Variants in NTN1 observed in about 807,000 individuals in gnomAD.
NTN1 encodes the protein netrin 1, also known as netrin-1.
In NTN1, 11 loss-of-function variants were observed where a neutral mutation model predicts 54.2. The observed-to-expected ratio is 0.20, with a 90% CI of 0.13 to 0.34. The LOEUF (loss-of-function observed/expected upper bound fraction) is 0.34, where lower values mean the gene tolerates loss of function less well. Among genes scored for constraint, NTN1 ranks in the 10% least tolerant of loss-of-function variants. The probability of loss-of-function intolerance (pLI) is 1.00; values close to 1 mark genes in which losing one functional copy is unlikely to be tolerated. For synonymous variants in NTN1, 371 were observed against 382.0 expected (o/e 0.97, Z 0.33); for missense variants, 740 against 893.1 (o/e 0.83, Z 2.18).
At chr17:9,132,277 A>G (rs1438957497) in intron 2 of NTN1, among the ~76,000 whole-genome samples, 1 of 152,084 alleles carries the variant, frequency 6.6e-6, no homozygotes, top group Non-Finnish European at 1.5e-5. Flanking sequence ...TTTCATGAAC[A>G]TTACACGTTT....
intron 5 of NTN1, among the ~76,000 whole-genome samples, chr17:9,193,744 G>T (rs997543856): frequency 6.6e-6 from 1 of 151,646 alleles, no homozygotes; most frequent in African/African-American, 2.4e-5. Context: ...CCAACATGGA[G>T]AAACCCCGTC....
At chr17:9,065,182 C>T (rs369012452) in intron 2 of NTN1, among the ~76,000 whole-genome samples, 1 of 152,208 alleles carries the variant, frequency 6.6e-6, no homozygotes. Flanking sequence ...GGTGATCTGC[C>T]TGCCTCCACC....
intron 2 of NTN1, among the ~76,000 whole-genome samples, chr17:9,064,647 C>T (rs2092009204): frequency 6.6e-6 from 1 of 151,868 alleles, no homozygotes; most frequent in African/African-American, 2.4e-5. Context: ...TATTTCATGA[C>T]ATCATTCACA....
chr17:9,170,059 G>A (rs1324490792), intron 3 of NTN1, among the ~76,000 whole-genome samples: 1 of 152,160 alleles, frequency 6.6e-6, no homozygotes, highest in Non-Finnish European at 1.5e-5. Context: ...ATGGGGCCGG[G>A]GGCAGGTGGC....
At chr17:9,147,237 C>T (rs11650895) in intron 2 of NTN1, among the ~76,000 whole-genome samples, 67,938 of 152,168 alleles carry the variant, frequency 0.45, 16,174 homozygotes, top group African/African-American at 0.62. Context: ...CATTAGCTCA[C>T]GTGTAAGAAT....
the NTN1 span, among the ~76,000 whole-genome samples, chr17:9,005,591 A>C: frequency 6.6e-6 from 1 of 152,312 alleles, no homozygotes; most frequent in Admixed American, 6.5e-5. Flanking sequence ...AATGCAGCCC[A>C]AATCAGGTTC....
At chr17:9,172,320 A>G (rs2092389182) in intron 3 of NTN1, among the ~76,000 whole-genome samples, 1 of 151,988 alleles carries the variant, frequency 6.6e-6, no homozygotes, top group Non-Finnish European at 1.5e-5. Context: ...ACATAGTGAA[A>G]ATACAAAAAA....
intron 2 of NTN1, among the ~76,000 whole-genome samples, chr17:9,046,487 G>A (rs555195059): frequency 6.6e-6 from 1 of 152,158 alleles, no homozygotes; most frequent in Non-Finnish European, 1.5e-5. Flanking sequence ...AATCCCTTCC[G>A]AAACCCCCCA....
At chr17:9,161,646 T>C (rs1459513423) in intron 2 of NTN1, among the ~76,000 whole-genome samples, 3 of 152,006 alleles carry the variant, frequency 2.0e-5, no homozygotes, top group Non-Finnish European at 4.4e-5. Flanking sequence ...GGCGTGGTGG[T>C]GTGCACCTGT....
Position 9,221,009 on chromosome 17 carries a change from C to G in NTN1, c.1412-159C>G, listed in dbSNP as rs562426266. Among the ~76,000 whole-genome samples the G allele has an allele frequency of 1.3e-5, 2 of 152,034 alleles. No individual in the cohort carries two copies. The highest frequency in any genetic ancestry group is 4.8e-5 in the African/African-American group (2 of 41,370). ...TTTGTCCCTCAGGCCTCTTTAGAAGCGCAGGCCTTTCCTGAATGGCCGCCT... is the reference window on the plus strand; with the variant it reads ...TTTGTCCCTCAGGCCTCTTTAGAAGGGCAGGCCTTTCCTGAATGGCCGCCT... On this transcript the variant is annotated intron_variant, in intron 5 of 6. Coordinates refer to ENST00000173229, the MANE Select transcript of NTN1 (RefSeq NM_004822.3). This position sits in a 1 kb window ranked among gnomAD's most constrained non-coding sequence, Gnocchi z 4.5.
At chr17:9,224,311 C>G (rs950718587) in intron 6 of NTN1, among the ~76,000 whole-genome samples, 2 of 152,278 alleles carry the variant, frequency 1.3e-5, no homozygotes, top group Admixed American at 1.3e-4. Flanking sequence ...CTCGAAGGAG[C>G]CCCTTAGGCC....
At chr17:9,086,654 C>A (rs2092090959) in intron 2 of NTN1, among the ~76,000 whole-genome samples, 1 of 152,210 alleles carries the variant, frequency 6.6e-6, no homozygotes, top group Non-Finnish European at 1.5e-5. Flanking sequence ...CACCTACCTT[C>A]ATGATCACCA....
intron 2 of NTN1, among the ~76,000 whole-genome samples, chr17:9,050,062 T>A (rs1213315136): frequency 2.6e-5 from 4 of 151,394 alleles, no homozygotes; most frequent in Non-Finnish European, 4.4e-5. Flanking sequence ...CTGGCTAACA[T>A]GGTGAAACCC....
chr17:9,015,330 G>A, the NTN1 span, among the ~76,000 whole-genome samples: 1 of 152,132 alleles, frequency 6.6e-6, no homozygotes, highest in Non-Finnish European at 1.5e-5. Context: ...AGAATTGCTT[G>A]AACCCAGGAG....
At chr17:9,210,608 C>T (rs1056368861) in intron 5 of NTN1, among the ~76,000 whole-genome samples, 2 of 152,132 alleles carry the variant, frequency 1.3e-5, no homozygotes, top group African/African-American at 4.8e-5. Context: ...GGTCCTCATC[C>T]TCGCTAAGAA....
At chr17:9,173,396 A>C (rs1348677218) in intron 3 of NTN1, 1 of 152,448 alleles carries the variant, frequency 6.6e-6, no homozygotes, top group Admixed American at 6.5e-5. Flanking sequence ...AAGAGGCCTG[A>C]CACCCACCAG....
At chr17:9,204,193 C>CCTTCCTTCCT (rs1555576114) in intron 5 of NTN1, among the ~76,000 whole-genome samples, 2,112 of 147,134 alleles carry the variant, frequency 0.014, 54 homozygotes, top group East Asian at 0.057. Context: ...CCTTCCTTCC[C>CCTTCCTTCCT]TCCTTCCTTC....
Position 9,022,447 on chromosome 17 carries a change from G to A in NTN1, c.74G>A (p.Gly25Glu). 2 of 1,456,870 alleles carry A rather than the reference G, an allele frequency of 1.4e-6. No individual in the cohort carries two copies. Among genetic ancestry groups the A allele is most frequent in the South Asian group, 1.4e-5 (1 of 72,674 alleles). 90.2% of individuals were successfully genotyped at this position (1,456,870 alleles called of 1,614,324 possible). Residue 25 changes from glycine to glutamate, a missense_variant, in exon 2 of 7, where the codon GGG becomes GAG. Physicochemically the swap from Gly to Glu is moderately conservative, Grantham distance 98 (BLOSUM62 -2). Transcript: ENST00000173229. ...VACLVGAVRG[G>E]PGLSMFAGQA... ...TGCCTGGTGGGCGCGGTGCGCGGCGGGCCCGGGCTCAGCATGTTCGCGGGC... is the reference window on the plus strand; with the variant it reads ...TGCCTGGTGGGCGCGGTGCGCGGCGAGCCCGGGCTCAGCATGTTCGCGGGC...
intron 2 of NTN1, among the ~76,000 whole-genome samples, chr17:9,042,501 A>G (rs1352188069): frequency 5.0e-4 from 1 of 2,000 alleles, no homozygotes; most frequent in Non-Finnish European, 8.1e-4. Flanking sequence ...AAAAAAAAAA[A>G]CTGTGAGGCT....
Sources: allele counts gnomAD v4.1 joint callset (sites outside exome capture counted in the v4.1 genomes callset), GRCh38; gene constraint gnomAD v4.1.1; non-coding constraint Gnocchi (gnomAD v3.1); transcripts MANE v1.5; gene names NCBI Gene and HGNC (gene_info 2026-07-23, HGNC 2026-07-21).